SPIRE2: variants seen among roughly 807,000 people sequenced by gnomAD.
The protein encoded by SPIRE2 is spire type actin nucleation factor 2, also known as protein spire homolog 2.
Under a neutral mutation model 80.7 loss-of-function variants are expected in SPIRE2, and 76 were observed. The observed-to-expected ratio is 0.94, with a 90% confidence interval of 0.78 to 1.14. SPIRE2 has a LOEUF of 1.14. Ranked by LOEUF, SPIRE2 falls within the 50% of genes most tolerant of loss-of-function variation. SPIRE2 has a pLI of 0.00. For missense variants in SPIRE2, 1,196 were observed against 1,015.3 expected, an observed-to-expected ratio of 1.18 and a Z score of -2.42; for synonymous variants, 535 against 432.6, an observed-to-expected ratio of 1.24 and a Z score of -2.94.
At chr16:89,831,108 A>G (rs2143771501) in intron 1 of SPIRE2, among the ~76,000 whole-genome samples, 1 of 150,254 alleles carries the variant, frequency 6.7e-6, no homozygotes, top group Admixed American at 6.6e-5. Context: ...ACGGGGTTTC[A>G]CCGTGTTAGC....
chr16:89,870,372 A>G lies in SPIRE2; in HGVS notation c.*100A>G, dbSNP rs2041829761. 3.0e-6 allele frequency: 2 copies of G among 664,620 alleles called. No homozygotes were observed. The highest frequency in any genetic ancestry group is 1.9e-5 in the South Asian group (1 of 53,942). 41.2% of individuals were successfully genotyped at this position (664,620 alleles called of 1,614,324 possible). On this transcript the variant is annotated 3_prime_UTR_variant, in exon 15 of 15. Coordinates refer to ENST00000378247, the MANE Select transcript of SPIRE2 (RefSeq NM_032451.2). ...TGTACATATATACATATATAGATAC[A>G]TTTATAATATATACACACAGTCTAT... is the stretch of plus-strand genomic sequence containing the variant.
At chr16:89,858,663 G>A (rs1456623967) in intron 8 of SPIRE2, among the ~76,000 whole-genome samples, 156 bp downstream of exon 8, 2 of 152,228 alleles carry the variant, frequency 1.3e-5, no homozygotes, top group African/African-American at 4.8e-5. Context: ...GTAGGAGGAG[G>A]CCTGTGGGGA....
chr16:89,836,384 C>T, intron 1 of SPIRE2: 1 of 387,290 alleles, frequency 2.6e-6, no homozygotes, highest in South Asian at 1.8e-5. Flanking sequence ...GGCCGAGAAT[C>T]TGAGGGAGTG....
chr16:89,846,438 G>C (rs1259322503), intron 2 of SPIRE2: 1 of 152,028 alleles, frequency 6.6e-6, no homozygotes, highest in African/African-American at 2.4e-5. Context: ...CGTCTCCTGG[G>C]TTCAAGCAAT....
At chr16:89,851,750 A>G (rs2041629851) in intron 3 of SPIRE2, among the ~76,000 whole-genome samples, 1 of 151,716 alleles carries the variant, frequency 6.6e-6, no homozygotes, top group African/African-American at 2.4e-5. Flanking sequence ...TCAGCATCTC[A>G]TGGAGGAGAA....
chr16:89,831,827 T>C (rs1298921069), intron 1 of SPIRE2, among the ~76,000 whole-genome samples: 1 of 151,144 alleles, frequency 6.6e-6, no homozygotes, highest in Admixed American at 6.6e-5. Context: ...GCCATCTGCC[T>C]CTAAGGCACC....
intron 1 of SPIRE2, among the ~76,000 whole-genome samples, chr16:89,843,682 TTTGTTTTTGTTTTTTG>T (rs1567671347): frequency 1.6e-3 from 29 of 18,554 alleles, no homozygotes; most frequent in African/African-American, 8.3e-3. Context: ...TTTTTTTTTG[TTTGTTTTTGTTTTTTG>T]TTTTTTTTTT....
At chr16:89,859,077 A>G (rs1425260193) in intron 8 of SPIRE2, 88 bp from the exon 9 acceptor site, 1 of 1,252,366 alleles carries the variant, frequency 8.0e-7, no homozygotes, top group Non-Finnish European at 1.1e-6. Context: ...ACCCTGCGGC[A>G]CCCCTGGGTC....
At chr16:89,855,877 C>T (rs1362866649) in intron 6 of SPIRE2, 191 bp downstream of exon 6, 4 of 921,522 alleles carry the variant, frequency 4.3e-6, no homozygotes, top group Admixed American at 2.9e-5. Flanking sequence ...GGCCCTGGGC[C>T]CTTTTTCTGG....
rs755741831 is a variant in SPIRE2 at position 89,870,035 on chromosome 16, T to C, written c.1923-15T>C. 5 of 1,607,854 alleles carry C rather than the reference T, an allele frequency of 3.1e-6. 1 individual carries two copies. Among genetic ancestry groups the C allele is most frequent in the South Asian group, 2.2e-5 (2 of 90,326 alleles). ...GGCTGGCTCCTCTCCCTGAGTGCCCTCTCCCACTTCCCAGGTCTCTGCAAG... is the reference window on the plus strand; with the variant it reads ...GGCTGGCTCCTCTCCCTGAGTGCCCCCTCCCACTTCCCAGGTCTCTGCAAG... On this transcript the variant is annotated splice_polypyrimidine_tract_variant and intron_variant, in intron 14 of 14. Coordinates refer to ENST00000378247, the MANE Select transcript of SPIRE2 (RefSeq NM_032451.2).
At chr16:89,835,148 A>G (rs867891225) in intron 1 of SPIRE2, among the ~76,000 whole-genome samples, 1,980 of 52,116 alleles carry the variant, frequency 0.038, 1 homozygote, top group Middle Eastern at 0.059. Context: ...GCCCGCACTC[A>G]CGGTTGGCCG....
intron 3 of SPIRE2, among the ~76,000 whole-genome samples, chr16:89,851,253 G>C (rs534253146): frequency 6.6e-6 from 1 of 152,282 alleles, no homozygotes; most frequent in East Asian, 1.9e-4. Flanking sequence ...ACATCTGCAA[G>C]AGAGCGCCCT....
chr16:89,837,353 G>A (rs1004445331), intron 1 of SPIRE2, among the ~76,000 whole-genome samples: 2 of 152,174 alleles, frequency 1.3e-5, no homozygotes, highest in Non-Finnish European at 2.9e-5. Flanking sequence ...TAGGCCCAGG[G>A]TCAGACTCAG....
chr16:89,828,889 C>A lies in SPIRE2; in HGVS notation c.244+95C>A. 6 of 1,018,386 alleles carry A rather than the reference C, an allele frequency of 5.9e-6. No homozygotes were observed. Among genetic ancestry groups the A allele is most frequent in the Non-Finnish European group, 7.3e-6 (6 of 817,904 alleles). 63.1% of individuals were successfully genotyped at this position (1,018,386 alleles called of 1,614,324 possible). ...GTGGTCCCGGCGGAGAGGCTGCGAC[C>A]GGTTCTGGAGCGGGAGATCCCCTTC... On this transcript the variant is annotated intron_variant, in intron 1 of 14. Transcript: ENST00000378247. The surrounding 1 kb of genome is among the most constrained non-coding windows in gnomAD (Gnocchi z 5.9).
In SPIRE2 at chr16:89,869,115, T is replaced by C. The variant is rs1338933315; in HGVS notation, c.1807-452T>C. On this transcript the variant is annotated intron_variant, in intron 13 of 14. Coordinates refer to ENST00000378247, the MANE Select transcript of SPIRE2 (RefSeq NM_032451.2). The stretch of plus-strand genomic sequence containing the variant: ...CTCAGTTCAGAAGCAAAACTCTGCT[T>C]AAGGAGTACTCTTACTACCACTATT... Among the ~76,000 whole-genome samples the C allele has an allele frequency of 3.7e-5, 5 of 134,874 alleles. No individual in the cohort carries two copies. The South Asian group carries it at 1.2e-3, about 33-fold the overall frequency. The allele number at this position is 134,874 out of a possible 152,430, so 88.5% of individuals were successfully genotyped here. A position where few individuals can be genotyped will look rare whatever the true frequency, so the allele number is the denominator to read the frequency against.
intron 3 of SPIRE2, among the ~76,000 whole-genome samples, chr16:89,853,545 C>G (rs2143810892): frequency 1.3e-5 from 2 of 152,288 alleles, no homozygotes; most frequent in South Asian, 2.1e-4. Context: ...TGTGGGCAGA[C>G]ACACACCTCA....
rs768023597 is a variant in SPIRE2 at position 89,869,568 on chromosome 16, T to A, written c.1808T>A (p.Met603Lys). The change falls in exon 14 of 15, where the codon ATG becomes AAG. Residue 603 changes from methionine (M) to lysine (K), a missense_variant and splice_region_variant. Transcript: ENST00000378247. ...RAVCTSCSIK[M>K]KMPSKKFGHI... is the part of the protein sequence containing the mutation. ...ATACCTCCTCCCTCTGTGCTGCAGA[T>A]GAAGATGCCTTCTAAGAAATTTGGA... 4.4e-6 allele frequency: 7 copies of A among 1,608,150 alleles called. No homozygotes were observed. The East Asian group carries it at 1.6e-4, about 36-fold the overall frequency.
At chr16:89,866,901 G>T (rs554221600) in intron 12 of SPIRE2, among the ~76,000 whole-genome samples, 1 of 152,108 alleles carries the variant, frequency 6.6e-6, no homozygotes, top group Admixed American at 6.6e-5. Flanking sequence ...GAGCCACCGC[G>T]CCCAGCCTTG....
chr16:89,850,447 CGCCGAT>C lies in SPIRE2; in HGVS notation c.434_439del (p.Ala145_Asp146del). 6.4e-7 allele frequency: 1 copy of C among 1,570,856 alleles called. No individual in the cohort carries two copies. The highest frequency in any genetic ancestry group is 8.6e-7 in the Non-Finnish European group (1 of 1,160,136). On this transcript the variant is annotated inframe_deletion, in exon 3 of 15. Coordinates refer to ENST00000378247, the MANE Select transcript of SPIRE2 (RefSeq NM_032451.2). Reference sequence around the variant, plus strand: ...ACAGCGAGGACAGCGGCTGCGGTGCCGCCGATGAGGGCTACGGGGGTCCCGAGGAGG... The same window carrying C: ...ACAGCGAGGACAGCGGCTGCGGTGCCGAGGGCTACGGGGGTCCCGAGGAGG...
Sources: allele counts gnomAD v4.1 joint callset (sites outside exome capture counted in the v4.1 genomes callset), GRCh38; gene constraint gnomAD v4.1.1; non-coding constraint Gnocchi (gnomAD v3.1); transcripts MANE v1.5; gene names NCBI Gene and HGNC (gene_info 2026-07-23, HGNC 2026-07-21).